HERC3: variants seen among roughly 807,000 people sequenced by gnomAD.
The protein encoded by HERC3 is probable E3 ubiquitin-protein ligase HERC3.
Under a neutral mutation model 129.9 loss-of-function variants are expected in HERC3, and 58 were observed. That is an observed-to-expected ratio of 0.45 (90% confidence interval 0.36 to 0.56). The LOEUF is 0.56. HERC3 is among the 20% of genes least tolerant of loss of function. The pLI, the probability that HERC3 is intolerant of heterozygous loss-of-function variation, is 0.00. For synonymous variants in HERC3, 430 were observed against 451.0 expected, an observed-to-expected ratio of 0.95 and a Z score of 0.59; for missense variants, 835 against 1,244.2, an observed-to-expected ratio of 0.67 and a Z score of 4.95.
chr4:88,562,125 G>A, the HERC3 span, among the ~76,000 whole-genome samples: 1 of 152,088 alleles, frequency 6.6e-6, no homozygotes, highest in Non-Finnish European at 1.5e-5. Flanking sequence ...GTGTACAAGG[G>A]TTCCTTTTTT....
chr4:88,616,386 A>G (rs1371288234), intron 3 of HERC3, among the ~76,000 whole-genome samples: 1 of 152,244 alleles, frequency 6.6e-6, no homozygotes, highest in African/African-American at 2.4e-5. Flanking sequence ...GTGGTACACC[A>G]GGGACTACTT....
chr4:88,679,694 T>A (rs1732555529), intron 19 of HERC3, among the ~76,000 whole-genome samples: 1 of 152,070 alleles, frequency 6.6e-6, no homozygotes, highest in African/African-American at 2.4e-5. Flanking sequence ...ATTTTTGTAT[T>A]TTTAGTAGAG....
At chr4:88,572,575 C>T in the HERC3 span, among the ~76,000 whole-genome samples, 1 of 152,090 alleles carries the variant, frequency 6.6e-6, no homozygotes, top group African/African-American at 2.4e-5. Context: ...CTTTGGGAGG[C>T]CAAGGTGGGT....
At chr4:88,661,820 A>G (rs1348143609) in intron 10 of HERC3, among the ~76,000 whole-genome samples, 3 of 152,218 alleles carry the variant, frequency 2.0e-5, no homozygotes, top group Admixed American at 2.0e-4. Flanking sequence ...GTTATTTGTC[A>G]TATAGATTAT....
chr4:88,533,087 C>G, the HERC3 span, among the ~76,000 whole-genome samples: 1 of 152,122 alleles, frequency 6.6e-6, no homozygotes, highest in African/African-American at 2.4e-5. Flanking sequence ...AGCCTGTGGC[C>G]GAAGGCCGGA....
the HERC3 span, among the ~76,000 whole-genome samples, chr4:88,559,128 A>G: frequency 6.6e-6 from 1 of 152,320 alleles, no homozygotes; most frequent in East Asian, 1.9e-4. Flanking sequence ...CTGAGGTTGC[A>G]ATTTTTTGAA....
At chr4:88,689,939 C>T in intron 23 of HERC3, 2 of 870,688 alleles carry the variant, frequency 2.3e-6, no homozygotes, top group Non-Finnish European at 2.7e-6. Flanking sequence ...ATTCATTAAC[C>T]ATTTTTTTTT....
chr4:88,632,115 A>C (rs372977941), intron 3 of HERC3, among the ~76,000 whole-genome samples: 1 of 152,204 alleles, frequency 6.6e-6, no homozygotes, highest in South Asian at 2.1e-4. Flanking sequence ...TATTTGGGAG[A>C]TCACAGAGAG....
chr4:88,682,230 G>C (rs1342587347), intron 21 of HERC3, among the ~76,000 whole-genome samples: 1 of 152,126 alleles, frequency 6.6e-6, no homozygotes, highest in Non-Finnish European at 1.5e-5. Flanking sequence ...TAGAATTGCT[G>C]AGTAACTCTG....
chr4:88,706,783 C>A lies in HERC3; in HGVS notation c.2976C>A (p.Ile992=). 1 of 1,614,202 alleles carries A rather than the reference C, an allele frequency of 6.2e-7. No individual in the cohort carries two copies. The highest frequency in any genetic ancestry group is 8.5e-7 in the Non-Finnish European group (1 of 1,180,040). The part of the protein sequence containing the change: ...LFLTGSDRIP[I]YGMASLQIVI... ...TGACAGGCAGCGATCGGATTCCCAT[C>A]TACGGCATGGCCAGTCTGCAGATTG... The change falls in exon 26 of 26, where the codon ATC becomes ATA. Residue 992 remains isoleucine (I), a synonymous_variant. Transcript: ENST00000402738.
intron 9 of HERC3, 59 bp downstream of exon 9, chr4:88,656,094 C>A: frequency 6.5e-7 from 1 of 1,539,644 alleles, no homozygotes; most frequent in African/African-American, 1.4e-5. Flanking sequence ...CAGTTGTTTA[C>A]AGAATATGTA....
intron 21 of HERC3, among the ~76,000 whole-genome samples, chr4:88,685,984 TG>T (rs918171523): frequency 6.6e-6 from 1 of 152,030 alleles, no homozygotes; most frequent in African/African-American, 2.4e-5. Flanking sequence ...ATTTTTGGAG[TG>T]TCTGAAATCA....
the HERC3 span, among the ~76,000 whole-genome samples, chr4:88,569,424 G>C: frequency 6.6e-6 from 1 of 152,144 alleles, no homozygotes; most frequent in Non-Finnish European, 1.5e-5. Context: ...TTAAACCCAG[G>C]TACTGTGATT....
At chr4:88,606,808 A>T (rs974832745) in intron 3 of HERC3, among the ~76,000 whole-genome samples, 1 of 152,168 alleles carries the variant, frequency 6.6e-6, no homozygotes, top group African/African-American at 2.4e-5. Flanking sequence ...CTCCCATAAC[A>T]TGTGGGAATT....
At chr4:88,568,524 T>C in the HERC3 span, among the ~76,000 whole-genome samples, 1 of 151,996 alleles carries the variant, frequency 6.6e-6, no homozygotes, top group South Asian at 2.1e-4. Flanking sequence ...TCTTTTTTCT[T>C]TTCTCAAGAA....
At chr4:88,703,034 G>A in intron 23 of HERC3, among the ~76,000 whole-genome samples, 1 of 152,162 alleles carries the variant, frequency 6.6e-6, no homozygotes, top group Middle Eastern at 3.4e-3. Flanking sequence ...ATTGCCATCT[G>A]TCTCGATAAC....
chr4:88,652,602 C>T (rs867084713), intron 5 of HERC3, among the ~76,000 whole-genome samples: 40 of 152,098 alleles, frequency 2.6e-4, no homozygotes, highest in Middle Eastern at 3.4e-3. Context: ...TTGGCCTGTC[C>T]GAAATTGAAT....
chr4:88,693,465 A>G (rs1013869401), intron 23 of HERC3: 1 of 972,424 alleles, frequency 1.0e-6, no homozygotes. Context: ...TCTTTCACAC[A>G]TAGGCTACTT....
intron 23 of HERC3, chr4:88,697,667 C>G: frequency 6.2e-7 from 1 of 1,613,228 alleles, no homozygotes; most frequent in Non-Finnish European, 8.5e-7. Context: ...TGCGCACCGC[C>G]TTCCGCCATT....
Sources: gnomAD v4.1 joint callset for allele counts (sites outside exome capture counted in the v4.1 genomes callset) on GRCh38, gnomAD v4.1.1 for gene constraint, MANE v1.5 for transcripts, NCBI Gene and HGNC (gene_info 2026-07-23, HGNC 2026-07-21) for gene names.